The following MISFA variants were observed in gnomAD, a reference collection of about 807,000 sequenced individuals.
The protein encoded by MISFA is mitochondrial sheath formation associated.
the MISFA span, chr11:18,603,054 A>G: frequency 2.5e-6 from 1 of 398,770 alleles, no homozygotes. Flanking sequence ...CTCAGGGAAT[A>G]GAACACTGCA....
the MISFA span, among the ~76,000 whole-genome samples, chr11:18,604,233 A>AT: frequency 1.3e-5 from 2 of 151,962 alleles, no homozygotes; most frequent in Admixed American, 6.6e-5. Flanking sequence ...GCATTACCGC[A>AT]TTTTTTAAGA....
chr11:18,606,719 A>C, the MISFA span: 2 of 405,026 alleles, frequency 4.9e-6, no homozygotes, highest in Non-Finnish European at 9.4e-6. Flanking sequence ...TCATATATTT[A>C]TTCTCTTTCC....
At chr11:18,600,512 C>CTTTT in the MISFA span, among the ~76,000 whole-genome samples, 41 of 54,038 alleles carry the variant, frequency 7.6e-4, no homozygotes, top group East Asian at 2.1e-3. Context: ...TGGGGACATC[C>CTTTT]TTTTTTTTTT....
chr11:18,607,682 CA>C, the MISFA span: 1 of 152,356 alleles, frequency 6.6e-6, no homozygotes, highest in African/African-American at 2.4e-5. Context: ...GATTTGGAAA[CA>C]AGGCCAAAAT....
the MISFA span, among the ~76,000 whole-genome samples, chr11:18,605,694 G>A: frequency 2.0e-5 from 3 of 151,980 alleles, no homozygotes; most frequent in Admixed American, 1.3e-4. Flanking sequence ...CATTTGCCTC[G>A]TAATACATTT....
chr11:18,604,506 A>C, the MISFA span, among the ~76,000 whole-genome samples: 1 of 151,798 alleles, frequency 6.6e-6, no homozygotes, highest in Admixed American at 6.6e-5. Context: ...AAATACAAAA[A>C]ATTAGCTAGG....
the MISFA span, chr11:18,599,985 T>A: frequency 2.5e-6 from 1 of 399,006 alleles, no homozygotes; most frequent in Non-Finnish European, 4.4e-6. Context: ...TGGGCACGTT[T>A]CCAGAGTTGA....
At chr11:18,600,368 G>A in the MISFA span, among the ~76,000 whole-genome samples, 4 of 146,382 alleles carry the variant, frequency 2.7e-5, no homozygotes, top group East Asian at 2.0e-4. Flanking sequence ...CACGCCTGGC[G>A]AATTTTGTGT....
chr11:18,609,819 C>T, the MISFA span: 2 of 1,580,916 alleles, frequency 1.3e-6, no homozygotes, highest in Admixed American at 1.7e-5. Context: ...GAAATCCTTG[C>T]AGCAGAGCAG....
At chr11:18,609,746 T>C in the MISFA span, 1 of 842,962 alleles carries the variant, frequency 1.2e-6, no homozygotes, top group African/African-American at 1.7e-5. Context: ...TATGCATTCC[T>C]TCTCCTTGAG....
At chr11:18,600,496 C>T in the MISFA span, among the ~76,000 whole-genome samples, 1 of 148,010 alleles carries the variant, frequency 6.8e-6, no homozygotes, top group Non-Finnish European at 1.5e-5. Flanking sequence ...AGCCACCACG[C>T]CTGGCTGGGG....
At chr11:18,601,728 G>A in the MISFA span, 16 of 390,374 alleles carry the variant, frequency 4.1e-5, no homozygotes, top group African/African-American at 1.9e-4. Flanking sequence ...CATTTTTAAC[G>A]TCCCTTTTGG....
At chr11:18,603,398 G>C in the MISFA span, among the ~76,000 whole-genome samples, 1 of 152,110 alleles carries the variant, frequency 6.6e-6, no homozygotes, top group South Asian at 2.1e-4. Flanking sequence ...TTTCTGAGTT[G>C]GGCAGTCTTG....
chr11:18,608,465 C>A, the MISFA span: 2 of 152,234 alleles, frequency 1.3e-5, no homozygotes, highest in Admixed American at 6.5e-5. Context: ...TAATCCCCCC[C>A]ATACAATGGC....
At chr11:18,602,347 G>A in the MISFA span, 1 of 152,580 alleles carries the variant, frequency 6.6e-6, no homozygotes, top group Middle Eastern at 3.2e-3. Flanking sequence ...CCAGCCCCAG[G>A]TATACTAAGA....
the MISFA span, chr11:18,600,005 A>T: frequency 2.5e-6 from 1 of 398,906 alleles, no homozygotes; most frequent in Non-Finnish European, 4.4e-6. Flanking sequence ...ATGGTAAGTA[A>T]TGGCTCTGCC....
the MISFA span, chr11:18,600,041 T>G: frequency 1.2e-3 from 481 of 398,866 alleles, 2 homozygotes; most frequent in Non-Finnish European, 1.8e-3. Context: ...GTCAGTCCTG[T>G]GCTGGCTCAT....
chr11:18,602,669 A>G, the MISFA span: 1 of 154,686 alleles, frequency 6.5e-6, no homozygotes, highest in African/African-American at 2.4e-5. Context: ...ATACCTAGCC[A>G]GCTAATTCTC....
At chr11:18,609,483 T>G in the MISFA span, 1 of 199,106 alleles carries the variant, frequency 5.0e-6, no homozygotes, top group Non-Finnish European at 1.0e-5. Flanking sequence ...TACTCACAGA[T>G]CAGCAGAAGA....
Sources: allele counts gnomAD v4.1 joint callset (sites outside exome capture counted in the v4.1 genomes callset), GRCh38; gene constraint gnomAD v4.1.1; transcripts MANE v1.5; gene names NCBI Gene and HGNC (gene_info 2026-07-23, HGNC 2026-07-21).